FGA: variants seen among roughly 807,000 people sequenced by gnomAD.
FGA encodes the protein fibrinogen, A alpha polypeptide.
FGA carries 20 observed loss-of-function variants against 20.3 expected under a neutral mutation model. The observed-to-expected ratio is 0.99, with a 90% CI of 0.69 to 1.43. The LOEUF is 1.43. Among genes scored for constraint, FGA ranks in the 40% most tolerant of loss-of-function variants. The pLI is 0.00. For missense variants in FGA, 777 were observed against 784.7 expected, an observed-to-expected ratio of 0.99 and a Z score of 0.12; for synonymous variants, 306 against 281.6, an observed-to-expected ratio of 1.09 and a Z score of -0.87.
chr4:154,590,517 T>G (rs1421990206), intron 1 of FGA, 117 bp downstream of exon 1: 1 of 890,804 alleles, frequency 1.1e-6, no homozygotes, highest in East Asian at 2.6e-5. Context: ...CTCCCAGGCC[T>G]GGGGTCATAA....
Position 154,586,177 on chromosome 4 carries a change from CT to C in FGA, c.1251del (p.Gly418GlufsTer3). ...CTCCTTGTCCCTGGACTTACATTTC[CT>C]GACACCTCTTCAAATGTGCCCCAGT... Reference protein sequence around the residue: ...NPDWGTFEEVSGNVSPGTRRE... With the variant: ...NPDWGTFEEVXGNVSPGTRRE... On this transcript the variant is annotated frameshift_variant, in exon 5 of 5. Coordinates refer to ENST00000403106, the MANE Select transcript of FGA (RefSeq NM_021871.4). LOFTEE classifies it low-confidence loss of function (END_TRUNC). 6.2e-7 allele frequency: 1 copy of C among 1,614,144 alleles called. No homozygotes were observed. The highest frequency in any genetic ancestry group is 8.5e-7 in the Non-Finnish European group (1 of 1,180,034).
At chr4:154,588,582 C>T (rs1730793041) in intron 3 of FGA, among the ~76,000 whole-genome samples, 1 of 152,080 alleles carries the variant, frequency 6.6e-6, no homozygotes. Context: ...TATTTTGTGA[C>T]CTTAAACAAT....
intron 3 of FGA, 130 bp from the exon 4 acceptor site, chr4:154,587,787 G>GAAAGAAAC: frequency 1.4e-6 from 1 of 713,650 alleles, no homozygotes; most frequent in Non-Finnish European, 2.3e-6. Flanking sequence ...AAGAAAGAAA[G>GAAAGAAAC]AAAGAAAGAA....
rs763510420 is a variant in FGA at position 154,586,088 on chromosome 4, C to G, written c.1341G>C (p.Glu447Asp). 1.4e-4 allele frequency: 221 copies of G among 1,614,018 alleles called. No individual in the cohort carries two copies. The highest frequency in any genetic ancestry group is 1.8e-4 in the Non-Finnish European group (218 of 1,180,006). ...TGGTTGTGCTACCAGAGGTGACCTT[C>G]TCTTTACCAGTCCTGAGCTCTTTAT... ...KGDKELRTGK[E>D]KVTSGSTTTT... The change falls in exon 5 of 5, where the codon GAG becomes GAC. Residue 447 changes from glutamate to aspartate, a missense_variant. Physicochemically the swap from Glu to Asp is conservative, Grantham distance 45. Transcript: ENST00000403106.
rs899373907 is a variant in FGA at position 154,585,408 on chromosome 4, A to C, written c.*86T>G. 1.9e-5 allele frequency: 22 copies of C among 1,147,076 alleles called. No individual in the cohort carries two copies. Among genetic ancestry groups the C allele is most frequent in the Non-Finnish European group, 2.4e-5 (19 of 792,104 alleles). The allele number at this position is 1,147,076 out of a possible 1,614,324, so 71.1% of individuals were successfully genotyped here. On this transcript the variant is annotated 3_prime_UTR_variant, in exon 5 of 5. Transcript: ENST00000403106. ...GTCTAGCACAAAAACAGACCAAAAA[A>C]GTGTAGTTTCAATGACGTGTAACAG...
chr4:154,589,335 T>G (rs1205284310), intron 2 of FGA, 102 bp downstream of exon 2: 3 of 1,389,248 alleles, frequency 2.2e-6, no homozygotes, highest in Non-Finnish European at 3.0e-6. Context: ...ACTATTCAAT[T>G]ATTTTCTATT....
rs373154873 is a variant in FGA at position 154,586,374 on chromosome 4, G to A, written c.1055C>T (p.Pro352Leu). 1.5e-5 allele frequency: 25 copies of A among 1,614,000 alleles called. No homozygotes were observed. The highest frequency in any genetic ancestry group is 1.8e-5 in the Non-Finnish European group (21 of 1,179,990). ...GSTGNQNPGSPRPGSTGTWNP... is the reference protein window; with the variant it reads ...GSTGNQNPGSLRPGSTGTWNP... ...CCAGGTTCCGGTACTACCAGGTCTA[G>A]GGCTCCCAGGGTTTTGGTTTCCAGT... Residue 352 changes from proline to leucine, a missense_variant, in exon 5 of 5, where the codon CCT becomes CTT. Coordinates refer to ENST00000403106, the MANE Select transcript of FGA (RefSeq NM_021871.4).
At position 154,586,151 on chromosome 4, in the gene FGA, T is replaced by C. The variant is rs141997057; in HGVS notation, c.1278A>G (p.Arg426=). The C allele has an allele frequency of 1.1e-4, 181 of 1,614,068 alleles. No individual in the cohort carries two copies. Among genetic ancestry groups the C allele is most frequent in the Middle Eastern group, 3.3e-4 (2 of 6,084 alleles). Residue 426 remains arginine, a synonymous_variant, in exon 5 of 5, where the codon AGA becomes AGG. Coordinates refer to ENST00000403106, the MANE Select transcript of FGA (RefSeq NM_021871.4). ...VSGNVSPGTR[R]EYHTEKLVTS... is the part of the protein sequence containing the mutation. ...TGACCAGTTTTTCTGTGTGGTACTC[T>C]CTCCTTGTCCCTGGACTTACATTTC... is the stretch of plus-strand genomic sequence containing the variant.
chr4:154,588,917 A>G lies in FGA; in HGVS notation c.240T>C (p.Asp80=), dbSNP rs780945759. 6.2e-6 allele frequency: 10 copies of G among 1,613,656 alleles called. No individual in the cohort carries two copies. The South Asian group carries it at 1.1e-4, about 18-fold the overall frequency. Residue 80 remains aspartate (D), a synonymous_variant, in exon 3 of 5, where the codon GAT becomes GAC. Transcript: ENST00000403106. ...TGAGCTTATTTATTCTGTTTGTAAA[A>G]TCTTGATTGACTTCATCAATCAACC... ...MKGLIDEVNQ[D]FTNRINKLKN...
intron 3 of FGA, among the ~76,000 whole-genome samples, chr4:154,588,569 A>G (rs1730792741): frequency 6.6e-6 from 1 of 152,170 alleles, no homozygotes; most frequent in African/African-American, 2.4e-5. Context: ...CAAAATTCTG[A>G]CTTATTTTGT....
At position 154,585,613 on chromosome 4, in the gene FGA, C is replaced by T. The variant is rs1730687596; in HGVS notation, c.1816G>A (p.Glu606Lys). The change falls in exon 5 of 5, where the codon GAG becomes AAG. Residue 606 changes from glutamate to lysine, a missense_variant. Physicochemically the swap from Glu to Lys is moderately conservative, Grantham distance 56. Transcript: ENST00000403106. ...TCATGATCGGCTTCACTTCCGGCCT[C>T]ATCTGCCATTTTATAGCTCTTGCTT... ...FESKSYKMAD[E>K]AGSEADHEGT... 1 of 1,614,208 alleles carries T rather than the reference C, an allele frequency of 6.2e-7. No homozygotes were observed. The highest frequency in any genetic ancestry group is 8.5e-7 in the Non-Finnish European group (1 of 1,180,032).
intron 4 of FGA, among the ~76,000 whole-genome samples, chr4:154,587,199 C>T (rs1050290643): frequency 2.0e-5 from 3 of 152,202 alleles, no homozygotes; most frequent in Non-Finnish European, 2.9e-5. Flanking sequence ...TCAAAGGAAA[C>T]GCTAATTAAA....
chr4:154,587,567 A>T lies in FGA; in HGVS notation c.455T>A (p.Ile152Asn). ...KRKVIEKVQH[I>N]QLLQKNVRAQ... The stretch of plus-strand genomic sequence containing the variant: ...TCTAACATTTTTCTGCAGAAGCTGG[A>T]TATGCTGTACTTTTTCTATGACTTT... Residue 152 changes from isoleucine (I) to asparagine (N), a missense_variant, in exon 4 of 5, where the codon ATC becomes AAC. Transcript: ENST00000403106. 3 of 1,613,936 alleles carry T rather than the reference A, an allele frequency of 1.9e-6. No individual in the cohort carries two copies. In the South Asian group the frequency reaches 3.3e-5, roughly 18 times the overall value.
chr4:154,589,014 C>G (rs978293370), intron 2 of FGA, 38 bp from the exon 3 acceptor site: 5 of 1,519,250 alleles, frequency 3.3e-6, no homozygotes, highest in Non-Finnish European at 4.6e-6. Flanking sequence ...AAGGATCTAT[C>G]TCTCAGATTC....
downstream of FGA, chr4:154,584,698 T>G (rs1343754458): frequency 1.2e-6 from 2 of 1,614,148 alleles, no homozygotes; most frequent in Non-Finnish European, 1.7e-6. Context: ...CATTCTTTGC[T>G]GGATCAAAAG....
At chr4:154,584,836 A>T (rs1252041475), downstream of FGA, 4 of 1,443,266 alleles carry the variant, frequency 2.8e-6, no homozygotes, top group Non-Finnish European at 2.9e-6. Context: ...ATCACAGTCT[A>T]AAAAAAAAAT....
At chr4:154,584,974 A>T, downstream of FGA, 1 of 777,698 alleles carries the variant, frequency 1.3e-6, no homozygotes, top group African/African-American at 1.7e-5. Context: ...CCATAGGGAA[A>T]GGATGCACTT....
intron 1 of FGA, among the ~76,000 whole-genome samples, chr4:154,590,430 C>T (rs1261347482): frequency 6.6e-6 from 1 of 152,172 alleles, no homozygotes; most frequent in African/African-American, 2.4e-5. Context: ...TTTGTACACT[C>T]TCATCCATCT....
chr4:154,584,821 A>G (rs780951960), downstream of FGA: 3 of 1,612,398 alleles, frequency 1.9e-6, no homozygotes, highest in South Asian at 1.1e-5. Context: ...TGTTTGGAGG[A>G]CATCATCACA....
Sources: allele counts gnomAD v4.1 joint callset (sites outside exome capture counted in the v4.1 genomes callset), GRCh38; gene constraint gnomAD v4.1.1; transcripts MANE v1.5; gene names NCBI Gene and HGNC (gene_info 2026-07-23, HGNC 2026-07-21).